DESI2: variants seen among roughly 807,000 people sequenced by gnomAD.
The protein encoded by DESI2 is deubiquitinase DESI2.
A neutral mutation model predicts 24.1 loss-of-function variants in DESI2; 10 were observed. That is an observed-to-expected ratio of 0.41 (90% CI 0.26 to 0.70). DESI2 has a LOEUF of 0.70. Ranked by LOEUF, DESI2 falls within the 30% of genes least tolerant of loss-of-function variation. DESI2 has a pLI of 0.29. For synonymous variants in DESI2, 71 were observed against 87.7 expected (o/e 0.81, Z 1.06); for missense variants, 122 against 234.9 (o/e 0.52, Z 3.14).
chr1:244,695,335 C>T (rs1419174784), intron 4 of DESI2, among the ~76,000 whole-genome samples: 5 of 152,172 alleles, frequency 3.3e-5, no homozygotes, highest in South Asian at 2.1e-4. Context: ...AAATGCCACT[C>T]GTCTAATCTA....
intron 4 of DESI2, among the ~76,000 whole-genome samples, chr1:244,699,578 C>CAAAAAAAAAAAAAAAAAAAAAA (rs559295405): frequency 9.1e-5 from 6 of 66,222 alleles, no homozygotes; most frequent in African/African-American, 2.6e-4. Context: ...GAGACTGTCT[C>CAAAAAAAAAAAAAAAAAAAAAA]AAAAAAAAAA....
chr1:244,692,070 C>G (rs763462228), intron 4 of DESI2, 50 bp downstream of exon 4: 1 of 1,469,492 alleles, frequency 6.8e-7, no homozygotes, highest in African/African-American at 1.4e-5. Context: ...TTTGCTATCC[C>G]ACTATACTTG....
intron 1 of DESI2, among the ~76,000 whole-genome samples, chr1:244,658,615 A>G (rs1675732230): frequency 6.6e-6 from 1 of 152,114 alleles, no homozygotes; most frequent in Non-Finnish European, 1.5e-5. Flanking sequence ...TTCTAGAAAT[A>G]TCCGCTCAAT....
chr1:244,692,157 A>T, intron 4 of DESI2, 137 bp downstream of exon 4: 2 of 753,092 alleles, frequency 2.7e-6, no homozygotes, highest in Non-Finnish European at 4.1e-6. Flanking sequence ...TTGTATTTCA[A>T]TCTTGTATGA....
chr1:244,674,420 G>A (rs1422592956), intron 1 of DESI2, among the ~76,000 whole-genome samples: 1 of 149,736 alleles, frequency 6.7e-6, no homozygotes, highest in Admixed American at 6.7e-5. Flanking sequence ...GTGAATTTTA[G>A]TATATTCACA....
intron 3 of DESI2, among the ~76,000 whole-genome samples, chr1:244,691,446 A>G (rs1677028694): frequency 6.6e-6 from 1 of 152,248 alleles, no homozygotes; most frequent in Admixed American, 6.5e-5. Flanking sequence ...TCATTGCAGC[A>G]CAGTGACAGA....
chr1:244,660,583 T>C (rs967047533), intron 1 of DESI2, among the ~76,000 whole-genome samples: 3 of 152,222 alleles, frequency 2.0e-5, no homozygotes, highest in Non-Finnish European at 2.9e-5. Flanking sequence ...AGTTGGTTCA[T>C]AAAATGTAAA....
intron 1 of DESI2, among the ~76,000 whole-genome samples, chr1:244,664,328 A>T (rs1216600820): frequency 6.6e-6 from 1 of 152,238 alleles, no homozygotes; most frequent in Admixed American, 6.5e-5. Context: ...ATTATATTTG[A>T]GTGTATGTGT....
intron 4 of DESI2, among the ~76,000 whole-genome samples, chr1:244,698,747 G>T (rs1677316016): frequency 6.6e-6 from 1 of 152,208 alleles, no homozygotes; most frequent in Non-Finnish European, 1.5e-5. Context: ...ATACCCCTCT[G>T]TGGGGCTCTT....
Position 244,706,090 on chromosome 1 carries a change from A to C in DESI2, c.*301A>C, listed in dbSNP as rs924885805. On this transcript the variant is annotated 3_prime_UTR_variant, in exon 5 of 5. Transcript: ENST00000302550. ...ACAGTATCTTGTATCGCTGTTTACA[A>C]ATCTTGCATGGACTCCTGCCACAGT... is the stretch of plus-strand genomic sequence containing the variant. 2 of 284,686 alleles carry C rather than the reference A, an allele frequency of 7.0e-6. No homozygotes were observed. Among genetic ancestry groups the C allele is most frequent in the East Asian group, 7.9e-5 (1 of 12,724 alleles). The allele number at this position is 284,686 out of a possible 1,614,324, so 17.6% of individuals were successfully genotyped here.
chr1:244,705,936 A>G lies in DESI2; in HGVS notation c.*147A>G. On this transcript the variant is annotated 3_prime_UTR_variant, in exon 5 of 5. Transcript: ENST00000302550. ...TTTTTCAGCTCAGGATTATATTTGT[A>G]ATCAAAAAAAAAAAATCACTTGGCG... The G allele has an allele frequency of 1.6e-6, 1 of 640,108 alleles. No individual in the cohort carries two copies. Among genetic ancestry groups the G allele is most frequent in the Non-Finnish European group, 2.7e-6 (1 of 376,752 alleles). 39.7% of individuals were successfully genotyped at this position (640,108 alleles called of 1,614,324 possible). A position where few individuals can be genotyped will look rare whatever the true frequency, so the allele number is the denominator to read the frequency against.
At chr1:244,660,422 G>A (rs1021736504) in intron 1 of DESI2, among the ~76,000 whole-genome samples, 7 of 152,082 alleles carry the variant, frequency 4.6e-5, no homozygotes, top group Middle Eastern at 3.2e-3. Context: ...TGCCTCGGCC[G>A]CCCAAAGTGC....
At position 244,686,144 on chromosome 1, in the gene DESI2, G is replaced by A. The variant is rs142549643; in HGVS notation, c.43-453G>A. Among the ~76,000 whole-genome samples the A allele has an allele frequency of 1.1e-3, 175 of 152,216 alleles. 3 individuals carry two copies. Among genetic ancestry groups the A allele is most frequent in the Middle Eastern group, 6.8e-3 (2 of 294 alleles). ...TGAATCAGGACACATGATACATGCC[G>A]TAAATGTTTGTTGAAAAAGAATAAA... is the stretch of plus-strand genomic sequence containing the variant. On this transcript the variant is annotated intron_variant, in intron 1 of 4. Coordinates refer to ENST00000302550, the MANE Select transcript of DESI2 (RefSeq NM_016076.5).
Position 244,708,188 on chromosome 1 carries a change from T to C in DESI2, c.*2399T>C, listed in dbSNP as rs556396560. 3.3e-4 allele frequency: 50 copies of C among 152,470 alleles called. No individual in the cohort carries two copies. The highest frequency in any genetic ancestry group is 1.2e-3 in the African/African-American group (48 of 41,584). The allele number at this position is 152,470 out of a possible 1,614,324, so 9.4% of individuals were successfully genotyped here. Reference sequence around the variant, plus strand: ...TGAACAATCTGGTCATTAACATACATATGATACGGAGTCTCTTTGTTGTCA... The same window carrying C: ...TGAACAATCTGGTCATTAACATACACATGATACGGAGTCTCTTTGTTGTCA... On this transcript the variant is annotated 3_prime_UTR_variant, in exon 5 of 5. Transcript: ENST00000302550.
intron 2 of DESI2, among the ~76,000 whole-genome samples, chr1:244,688,347 A>G (rs764013837): frequency 6.6e-6 from 1 of 152,222 alleles, no homozygotes; most frequent in Non-Finnish European, 1.5e-5. Flanking sequence ...TTATGTTTCA[A>G]AATAGCCACT....
At chr1:244,693,314 G>C (rs1338228958) in intron 4 of DESI2, among the ~76,000 whole-genome samples, 1 of 152,066 alleles carries the variant, frequency 6.6e-6, no homozygotes, top group Non-Finnish European at 1.5e-5. Context: ...CATCAGCCCT[G>C]GTCTAACCCC....
intron 1 of DESI2, among the ~76,000 whole-genome samples, chr1:244,683,797 T>G (rs1367416859): frequency 2.6e-5 from 4 of 151,912 alleles, no homozygotes; most frequent in Non-Finnish European, 5.9e-5. Context: ...CATAGCTCAC[T>G]GCAACCTCAA....
chr1:244,676,853 A>G (rs1317243293), intron 1 of DESI2, among the ~76,000 whole-genome samples: 1 of 147,796 alleles, frequency 6.8e-6, no homozygotes, highest in African/African-American at 2.5e-5. Context: ...GATTTTGTCC[A>G]GTGCTTTTCT....
chr1:244,674,233 A>G (rs1676340762), intron 1 of DESI2, among the ~76,000 whole-genome samples: 1 of 151,714 alleles, frequency 6.6e-6, no homozygotes, highest in Non-Finnish European at 1.5e-5. Flanking sequence ...TCCTCACCTC[A>G]GGTGATCCAC....
Sources: allele counts gnomAD v4.1 joint callset (sites outside exome capture counted in the v4.1 genomes callset), GRCh38; gene constraint gnomAD v4.1.1; transcripts MANE v1.5; gene names NCBI Gene and HGNC (gene_info 2026-07-23, HGNC 2026-07-21).